Variants in REV1 observed in about 807,000 individuals in gnomAD.
REV1 encodes the protein translesion synthesis protein REV1.
In REV1, 42 loss-of-function variants were observed where a neutral mutation model predicts 137.4. The ratio of observed to expected loss-of-function variants is 0.31; its 90% CI spans 0.24 to 0.40. The LOEUF is 0.40. REV1 is among the 10% of genes least tolerant of loss of function. REV1 has a pLI of 1.00. For missense variants in REV1, 1,282 were observed against 1,490.1 expected (o/e 0.86, Z 2.30); for synonymous variants, 524 against 519.2 (o/e 1.01, Z -0.12).
intron 12 of REV1, among the ~76,000 whole-genome samples, chr2:99,416,201 G>A (rs1364794013): frequency 1.3e-5 from 2 of 152,226 alleles, no homozygotes; most frequent in African/African-American, 4.8e-5. Context: ...TGTTCCACAA[G>A]ATATAAATAG....
intron 1 of REV1, among the ~76,000 whole-genome samples, chr2:99,480,139 T>A (rs1218164254): frequency 6.6e-6 from 1 of 152,104 alleles, no homozygotes. Context: ...GGCAATGAAG[T>A]GAGACCCTTG....
At chr2:99,485,307 T>C (rs1687025039) in intron 1 of REV1, among the ~76,000 whole-genome samples, 1 of 152,210 alleles carries the variant, frequency 6.6e-6, no homozygotes, top group Non-Finnish European at 1.5e-5. Context: ...CTTCTCTTAT[T>C]TCTGTATCTG....
chr2:99,420,526 C>T (rs558292869), intron 11 of REV1, among the ~76,000 whole-genome samples: 3 of 152,340 alleles, frequency 2.0e-5, no homozygotes, highest in Admixed American at 6.5e-5. Flanking sequence ...GGAGCCTAGG[C>T]GCTCCGTCTG....
Position 99,442,451 on chromosome 2 carries a change from G to C in REV1, c.369C>G (p.Leu123=). The C allele has an allele frequency of 6.2e-7, 1 of 1,613,484 alleles. No individual in the cohort carries two copies. The highest frequency in any genetic ancestry group is 8.5e-7 in the Non-Finnish European group (1 of 1,179,824). Residue 123 remains leucine, a synonymous_variant, in exon 5 of 23, where the codon CTC becomes CTG. Coordinates refer to ENST00000258428, the MANE Select transcript of REV1 (RefSeq NM_016316.4). ...ACAGCTGATATGGAATGTAGGAGAGGAGTCGTCCAGCTTTGATGCTGAAAC... is the reference window on the plus strand; with the variant it reads ...ACAGCTGATATGGAATGTAGGAGAGCAGTCGTCCAGCTTTGATGCTGAAAC... ...WIVESIKAGR[L]LSYIPYQLYT...
At chr2:99,465,516 T>G (rs968841243) in intron 1 of REV1, among the ~76,000 whole-genome samples, 2 of 152,212 alleles carry the variant, frequency 1.3e-5, no homozygotes, top group African/African-American at 4.8e-5. Context: ...TAATAAACTA[T>G]AATAGTAAAT....
At chr2:99,477,601 A>G (rs1358053657) in intron 1 of REV1, among the ~76,000 whole-genome samples, 4 of 152,230 alleles carry the variant, frequency 2.6e-5, no homozygotes, top group East Asian at 1.9e-4. Context: ...TTTTGATTCA[A>G]TATCTATATA....
intron 1 of REV1, among the ~76,000 whole-genome samples, chr2:99,479,104 C>T (rs1226772449): frequency 6.6e-6 from 1 of 151,726 alleles, no homozygotes; most frequent in Admixed American, 6.6e-5. Flanking sequence ...CCGAGGTGGG[C>T]GGATCACGAG....
In REV1 at chr2:99,411,152, G is replaced by T. The variant is rs144758104; in HGVS notation, c.2173-285C>A. 3.3e-3 allele frequency among the ~76,000 whole-genome samples: 505 copies of T among 152,120 alleles called. 3 individuals carry two copies. Among genetic ancestry groups the T allele is most frequent in the African/African-American group, 0.012 (489 of 41,524 alleles). ...AAAATGCAAAAATTAGCCTGGCGTG[G>T]TGGCGGGTGCCTGTAATCGCAGCTA... On this transcript the variant is annotated intron_variant, in intron 13 of 22. Coordinates refer to ENST00000258428, the MANE Select transcript of REV1 (RefSeq NM_016316.4).
intron 12 of REV1, among the ~76,000 whole-genome samples, chr2:99,414,224 A>C (rs1003181104): frequency 2.6e-5 from 4 of 152,226 alleles, no homozygotes; most frequent in African/African-American, 9.6e-5. Context: ...AGTGGTCTTC[A>C]GTAGCAGAAA....
Position 99,402,774 on chromosome 2 carries a change from A to T in REV1, c.3411T>A (p.Gly1137=). 1 of 1,614,256 alleles carries T rather than the reference A, an allele frequency of 6.2e-7. No individual in the cohort carries two copies. Among genetic ancestry groups the T allele is most frequent in the South Asian group, 1.1e-5 (1 of 91,086 alleles). ...ACTGCAAACTAGAAAGGCCTGGCAC[A>T]CCTGAAGTAGAAGCAGAGAGTTCTT... ...PLEELSASTS[G]VPGLSSLQSD... is the part of the protein sequence containing the mutation. Residue 1137 remains glycine, a synonymous_variant, in exon 21 of 23, where the codon GGT becomes GGA. Coordinates refer to ENST00000258428, the MANE Select transcript of REV1 (RefSeq NM_016316.4).
intron 18 of REV1, 30 bp from the exon 19 acceptor site, chr2:99,403,845 C>A (rs1227094871): frequency 1.2e-6 from 2 of 1,611,564 alleles, no homozygotes; most frequent in East Asian, 4.5e-5. Flanking sequence ...CAAAGTCAAA[C>A]CTGAGCTAAT....
chr2:99,435,723 C>A, intron 7 of REV1, 111 bp downstream of exon 7: 2 of 585,054 alleles, frequency 3.4e-6, no homozygotes, highest in Non-Finnish European at 2.9e-6. Context: ...TTGGAAGAAC[C>A]GATTTTCCCA....
intron 12 of REV1, among the ~76,000 whole-genome samples, chr2:99,416,619 C>T (rs1677897577): frequency 6.6e-6 from 1 of 152,170 alleles, no homozygotes; most frequent in African/African-American, 2.4e-5. Context: ...TGTAACTTCA[C>T]ACTTGCCCTT....
intron 5 of REV1, 120 bp from the exon 6 acceptor site, chr2:99,439,430 A>C: frequency 1.7e-6 from 1 of 605,556 alleles, no homozygotes; most frequent in South Asian, 2.7e-5. Flanking sequence ...AAAACAGAAA[A>C]TTCTTATATT....
In REV1 at chr2:99,408,143, A is replaced by C. The variant is rs895923761; in HGVS notation, c.2346-12T>G. ...CAAGAGTTACAGTCCTGTAAGTGATAGAATTAAAAAACAAAAGCTTCATTC... is the reference window on the plus strand; with the variant it reads ...CAAGAGTTACAGTCCTGTAAGTGATCGAATTAAAAAACAAAAGCTTCATTC... On this transcript the variant is annotated splice_polypyrimidine_tract_variant and intron_variant, in intron 14 of 22. Transcript: ENST00000258428. 6.5e-7 allele frequency: 1 copy of C among 1,539,266 alleles called. No homozygotes were observed. The highest frequency in any genetic ancestry group is 8.9e-7 in the Non-Finnish European group (1 of 1,121,272).
chr2:99,430,020 T>C, intron 8 of REV1, 72 bp from the exon 9 acceptor site: 1 of 898,310 alleles, frequency 1.1e-6, no homozygotes. Flanking sequence ...AAGAAATTTG[T>C]TTTCCATTAC....
chr2:99,450,158 AT>A (rs1352908076), intron 3 of REV1, among the ~76,000 whole-genome samples: 2 of 152,116 alleles, frequency 1.3e-5, no homozygotes, highest in Non-Finnish European at 2.9e-5. Flanking sequence ...AGAAACACCA[AT>A]TTTTTTCAAT....
At chr2:99,415,340 G>A (rs1171056644) in intron 12 of REV1, among the ~76,000 whole-genome samples, 3 of 152,182 alleles carry the variant, frequency 2.0e-5, no homozygotes, top group Non-Finnish European at 2.9e-5. Flanking sequence ...GAGAGTCAAG[G>A]AGGCTCCTGG....
intron 1 of REV1, among the ~76,000 whole-genome samples, chr2:99,479,218 C>CT (rs1333598035): frequency 9.3e-5 from 14 of 150,282 alleles, no homozygotes; most frequent in African/African-American, 2.9e-4. Flanking sequence ...GTCCCAGCTA[C>CT]TTGGGGGCTG....
Sources: allele counts gnomAD v4.1 joint callset (sites outside exome capture counted in the v4.1 genomes callset), GRCh38; gene constraint gnomAD v4.1.1; transcripts MANE v1.5; gene names NCBI Gene and HGNC (gene_info 2026-07-23, HGNC 2026-07-21).